The following CDC42 variants were observed in gnomAD, a reference collection of about 807,000 sequenced individuals.
The protein encoded by CDC42 is cell division control protein 42 homolog.
Under a neutral mutation model 20.8 loss-of-function variants are expected in CDC42, and 1 was observed. The ratio of observed to expected loss-of-function variants is 0.05; its 90% CI spans 0.02 to 0.23. CDC42 has a LOEUF of 0.23. Among genes scored for constraint, CDC42 ranks in the 10% least tolerant of loss-of-function variants. CDC42 has a pLI of 1.00. For synonymous variants in CDC42, 72 were observed against 84.8 expected, an observed-to-expected ratio of 0.85 and a Z score of 0.83; for missense variants, 49 against 227.9, an observed-to-expected ratio of 0.21 and a Z score of 5.05.
chr1:22,065,240 T>C (rs1645409734), intron 1 of CDC42, among the ~76,000 whole-genome samples: 1 of 152,222 alleles, frequency 6.6e-6, no homozygotes, highest in Non-Finnish European at 1.5e-5. Flanking sequence ...TGTTAGAGAC[T>C]TGAGAAATAC....
intron 2 of CDC42, among the ~76,000 whole-genome samples, chr1:22,079,388 C>T (rs1040928737): frequency 2.0e-5 from 3 of 152,134 alleles, no homozygotes; most frequent in African/African-American, 7.2e-5. Context: ...ATCCACCTGC[C>T]TCAGCCTCCC....
chr1:22,063,094 C>G (rs1309120000), intron 1 of CDC42, among the ~76,000 whole-genome samples: 1 of 152,068 alleles, frequency 6.6e-6, no homozygotes, highest in African/African-American at 2.4e-5. Context: ...ATGACTTGGA[C>G]TCATAGTTTT....
At chr1:22,060,599 G>A (rs1645352193) in intron 1 of CDC42, among the ~76,000 whole-genome samples, 1 of 152,128 alleles carries the variant, frequency 6.6e-6, no homozygotes, top group South Asian at 2.1e-4. Flanking sequence ...TTTTTAGTTT[G>A]TTTTTAATCT....
chr1:22,071,046 CTTTT>C (rs10684040), intron 1 of CDC42, among the ~76,000 whole-genome samples: 2 of 125,310 alleles, frequency 1.6e-5, no homozygotes, highest in Non-Finnish European at 3.2e-5. Context: ...TTTTTTCTTT[CTTTT>C]TTTTTTTTTT....
chr1:22,061,193 G>C lies in CDC42; in HGVS notation c.-51+8451G>C, dbSNP rs1459700148. Among the ~76,000 whole-genome samples, 3 of 152,116 alleles carry C rather than the reference G, an allele frequency of 2.0e-5. 1 individual carries two copies. Among genetic ancestry groups the C allele is most frequent in the Non-Finnish European group, 4.4e-5 (3 of 68,012 alleles). ...AGGCCATGGCGGGCGGATCACCTGA[G>C]GTCAGGAGTTCGAGACCAGCCTGGC... On this transcript the variant is annotated intron_variant, in intron 1 of 5. Coordinates refer to ENST00000656825, the MANE Select transcript of CDC42 (RefSeq NM_001791.4).
At chr1:22,065,799 T>C (rs1247941106) in intron 1 of CDC42, among the ~76,000 whole-genome samples, 1 of 152,072 alleles carries the variant, frequency 6.6e-6, no homozygotes, top group African/African-American at 2.4e-5. Flanking sequence ...AGAGTCTCTG[T>C]CAACCAGGCT....
At chr1:22,083,518 T>G (rs1340613827) in intron 3 of CDC42, among the ~76,000 whole-genome samples, 4 of 151,780 alleles carry the variant, frequency 2.6e-5, no homozygotes, top group Admixed American at 2.6e-4. Flanking sequence ...GACAGGAAAA[T>G]TGCTTGAACC....
intron 1 of CDC42, among the ~76,000 whole-genome samples, chr1:22,076,483 G>A (rs766969881): frequency 6.6e-6 from 1 of 151,980 alleles, no homozygotes; most frequent in Non-Finnish European, 1.5e-5. Flanking sequence ...AGACTGCTTG[G>A]GTTTAAATTA....
chr1:22,082,672 A>G (rs554337811), intron 3 of CDC42, among the ~76,000 whole-genome samples: 2 of 152,212 alleles, frequency 1.3e-5, no homozygotes, highest in African/African-American at 2.4e-5. Flanking sequence ...GTGGTGTTAC[A>G]CTGTGTACCA....
At position 22,100,633 on chromosome 1, in the gene CDC42, G is replaced by A. The variant is rs1043477176; in HGVS notation, c.*9116G>A. 1 of 152,260 alleles carries A rather than the reference G, an allele frequency of 6.6e-6. No individual in the cohort carries two copies. The highest frequency in any genetic ancestry group is 1.5e-5 in the Non-Finnish European group (1 of 68,060). 9.4% of individuals were successfully genotyped at this position (152,260 alleles called of 1,614,324 possible). On this transcript the variant is annotated 3_prime_UTR_variant, in exon 6 of 6. Transcript: ENST00000656825. The stretch of plus-strand genomic sequence containing the variant: ...TCTGTGAATGGGGTAGATAGCAGCT[G>A]TCTTCATCACTGTCATCATTGTTGG...
chr1:22,084,696 T>C (rs1404380202), intron 3 of CDC42, among the ~76,000 whole-genome samples: 1 of 152,122 alleles, frequency 6.6e-6, no homozygotes, highest in African/African-American at 2.4e-5. Context: ...TTTTTGGTGG[T>C]TTGGTGTGAT....
intron 1 of CDC42, among the ~76,000 whole-genome samples, chr1:22,055,211 G>T (rs188717546): frequency 1.3e-5 from 2 of 150,964 alleles, no homozygotes; most frequent in Non-Finnish European, 3.0e-5. Context: ...CCTCGTCCCC[G>T]CAAAGTGCTG....
chr1:22,100,562 A>G lies in CDC42; in HGVS notation c.*9045A>G, dbSNP rs532505239. 3 of 152,296 alleles carry G rather than the reference A, an allele frequency of 2.0e-5. No homozygotes were observed. Among genetic ancestry groups the G allele is most frequent in the South Asian group, 2.1e-4 (1 of 4,826 alleles). The allele number at this position is 152,296 out of a possible 1,614,324, so 9.4% of individuals were successfully genotyped here. On this transcript the variant is annotated 3_prime_UTR_variant, in exon 6 of 6. Coordinates refer to ENST00000656825, the MANE Select transcript of CDC42 (RefSeq NM_001791.4). The stretch of plus-strand genomic sequence containing the variant: ...AGTTGTGAGAGTGACATGAATTGCT[A>G]TATGTGAGGTTCTTAGCATAGTGCC...
At chr1:22,066,924 G>A (rs995330636) in intron 1 of CDC42, among the ~76,000 whole-genome samples, 1 of 152,198 alleles carries the variant, frequency 6.6e-6, no homozygotes, top group Admixed American at 6.5e-5. Context: ...TTAGCCGGGT[G>A]TGGTGGCACA....
At position 22,096,155 on chromosome 1, in the gene CDC42, G is replaced by A. The variant is rs936274924; in HGVS notation, c.*4638G>A. 6.6e-6 allele frequency among the ~76,000 whole-genome samples: 1 copy of A among 151,636 alleles called. No homozygotes were observed. Among genetic ancestry groups the A allele is most frequent in the African/African-American group, 2.4e-5 (1 of 41,232 alleles). On this transcript the variant is annotated 3_prime_UTR_variant, in exon 6 of 6. Coordinates refer to ENST00000656825, the MANE Select transcript of CDC42 (RefSeq NM_001791.4). The stretch of plus-strand genomic sequence containing the variant: ...TTTGTATTTTTAAGGGAGACTGGGT[G>A]TCACTATGTTGGCCAGACAGATCTC...
intron 1 of CDC42, among the ~76,000 whole-genome samples, chr1:22,076,975 G>A (rs768724220): frequency 5.3e-5 from 8 of 151,794 alleles, no homozygotes; most frequent in Admixed American, 1.3e-4. Context: ...AGTGAGACCC[G>A]TCTCTTAAAA....
Position 22,093,515 on chromosome 1 carries a change from T to A in CDC42, c.*1998T>A, listed in dbSNP as rs141770525. On this transcript the variant is annotated 3_prime_UTR_variant, in exon 6 of 6. Coordinates refer to ENST00000656825, the MANE Select transcript of CDC42 (RefSeq NM_001791.4). ...ATTTACCTTTAGGACATTATACTGA[T>A]CTGCATGAGAATCTTAGAAACTAAG... Among the ~76,000 whole-genome samples, 21 of 152,344 alleles carry A rather than the reference T, an allele frequency of 1.4e-4. No homozygotes were observed. The highest frequency in any genetic ancestry group is 4.6e-4 in the African/African-American group (19 of 41,574).
At chr1:22,063,055 G>T (rs975719652) in intron 1 of CDC42, among the ~76,000 whole-genome samples, 1 of 152,072 alleles carries the variant, frequency 6.6e-6, no homozygotes, top group Non-Finnish European at 1.5e-5. Context: ...TGGAAGAAGT[G>T]ACTGTTCTGC....
intron 1 of CDC42, chr1:22,053,420 T>G (rs1455437155): frequency 1.3e-5 from 2 of 152,170 alleles, no homozygotes; most frequent in Non-Finnish European, 2.9e-5. Context: ...TCCAGGCTGC[T>G]CTTCCTTTCG....
Sources: allele counts gnomAD v4.1 joint callset (sites outside exome capture counted in the v4.1 genomes callset), GRCh38; gene constraint gnomAD v4.1.1; transcripts MANE v1.5; gene names NCBI Gene and HGNC (gene_info 2026-07-23, HGNC 2026-07-21).